Variants in VSTM2A observed in about 807,000 individuals in gnomAD.
VSTM2A encodes the protein V-set and transmembrane domain-containing protein 2A.
VSTM2A carries 13 observed loss-of-function variants against 27.3 expected under a neutral mutation model. That is an observed-to-expected ratio of 0.48 (90% CI 0.31 to 0.76). The LOEUF (loss-of-function observed/expected upper bound fraction) is 0.76. Among genes scored for constraint, VSTM2A ranks in the 30% least tolerant of loss-of-function variants. The probability of loss-of-function intolerance (pLI) is 0.05; values close to 1 mark genes in which losing one functional copy is unlikely to be tolerated. For missense variants in VSTM2A, 280 were observed against 310.0 expected (o/e 0.90, Z 0.73); for synonymous variants, 142 against 125.7 (o/e 1.13, Z -0.87).
Position 54,542,788 on chromosome 7 carries a change from C to T in VSTM2A, c.58C>T (p.Gln20Ter). Residue 20 changes from glutamine (Q) to a stop codon, truncating the protein, a stop_gained, in exon 1 of 5, where the codon CAA (glutamine) becomes TAA (stop). Transcript: ENST00000402613. LOFTEE classifies it high-confidence loss of function. ...TGTTTTCTTTTCCGTTTTATATGTA[C>T]AACAAGGGCTTTCTTCTCAAGGTAA... ...GFVFFSVLYV[Q>*]QGLSSQAKFT... 6.2e-7 allele frequency: 1 copy of T among 1,613,720 alleles called. No individual in the cohort carries two copies.
chr7:54,553,056 A>G (rs1327798151), intron 4 of VSTM2A, among the ~76,000 whole-genome samples: 2 of 152,252 alleles, frequency 1.3e-5, no homozygotes, highest in Non-Finnish European at 2.9e-5. Flanking sequence ...AATTAATTTA[A>G]CCAGTTTTTC....
intron 3 of VSTM2A, 40 bp downstream of exon 3, chr7:54,547,037 G>A (rs756231004): frequency 1.3e-6 from 2 of 1,553,652 alleles, no homozygotes; most frequent in Non-Finnish European, 8.7e-7. Context: ...GCCCAGGCTC[G>A]GGACGCACAG....
rs747541249 is a variant in VSTM2A, at chr7:54,549,939, G to C, written c.403G>C (p.Gly135Arg). 6.2e-7 allele frequency: 1 copy of C among 1,613,596 alleles called. No homozygotes were observed. Among genetic ancestry groups the C allele is most frequent in the African/African-American group, 1.3e-5 (1 of 74,896 alleles). ...YECRVTDANYGELQEHKAQAY... is the reference protein window; with the variant it reads ...YECRVTDANYRELQEHKAQAY... ...GTGCAGGGTGACTGATGCCAACTACGGGGAGCTTCAGGAACACAAGGCCCA... is the reference window on the plus strand; with the variant it reads ...GTGCAGGGTGACTGATGCCAACTACCGGGAGCTTCAGGAACACAAGGCCCA... Residue 135 changes from glycine (G) to arginine (R), a missense_variant, in exon 4 of 5, where the codon GGG becomes CGG. Physicochemically the swap from Gly to Arg is moderately radical, Grantham distance 125 (BLOSUM62 -2). Coordinates refer to ENST00000402613, the MANE Select transcript of VSTM2A (RefSeq NM_001301009.2).
intron 4 of VSTM2A, chr7:54,554,000 G>C: frequency 6.4e-7 from 1 of 1,553,176 alleles, no homozygotes. Context: ...CTGTGAAGCG[G>C]CTTCCTGCTC....
chr7:54,562,063 A>G (rs1788579938), intron 4 of VSTM2A, among the ~76,000 whole-genome samples: 1 of 152,176 alleles, frequency 6.6e-6, no homozygotes, highest in Admixed American at 6.5e-5. Context: ...AGCTGGGACT[A>G]CAGGCATGCA....
intron 3 of VSTM2A, among the ~76,000 whole-genome samples, chr7:54,548,020 AATT>A (rs1284765488): frequency 6.6e-6 from 1 of 152,190 alleles, no homozygotes; most frequent in Non-Finnish European, 1.5e-5. Context: ...AGAATACTTC[AATT>A]ATTCTTATAT....
chr7:54,567,300 A>G (rs1046750380), intron 4 of VSTM2A, among the ~76,000 whole-genome samples: 5 of 152,236 alleles, frequency 3.3e-5, no homozygotes, highest in African/African-American at 4.8e-5. Flanking sequence ...CTATGCTTCA[A>G]TAGTATATTA....
At chr7:54,562,750 A>G (rs981929009) in intron 4 of VSTM2A, among the ~76,000 whole-genome samples, 1 of 152,156 alleles carries the variant, frequency 6.6e-6, no homozygotes, top group African/African-American at 2.4e-5. Context: ...ACTTCAATAC[A>G]CTTTCTGAAA....
chr7:54,568,452 T>G (rs1258967148), intron 4 of VSTM2A, among the ~76,000 whole-genome samples: 2 of 152,276 alleles, frequency 1.3e-5, no homozygotes, highest in East Asian at 3.9e-4. Context: ...CACTACAATT[T>G]CTTCCCTGAG....
At chr7:54,567,236 A>G (rs7811276) in intron 4 of VSTM2A, among the ~76,000 whole-genome samples, 20,668 of 152,216 alleles carry the variant, frequency 0.14, 2,564 homozygotes, top group African/African-American at 0.32. Context: ...AAAATATGCT[A>G]GTAAATGCAT....
chr7:54,551,169 A>G (rs1010204506), intron 4 of VSTM2A: 1 of 152,032 alleles, frequency 6.6e-6, no homozygotes, highest in Non-Finnish European at 1.5e-5. Flanking sequence ...ACACGCACAC[A>G]CACACACATC....
At chr7:54,555,208 C>G (rs530202751) in intron 4 of VSTM2A, among the ~76,000 whole-genome samples, 1 of 152,334 alleles carries the variant, frequency 6.6e-6, no homozygotes, top group African/African-American at 2.4e-5. Flanking sequence ...TCAACACAGG[C>G]CCTCTTCACT....
At chr7:54,547,104 G>A (rs1033928244) in intron 3 of VSTM2A, 107 bp downstream of exon 3, 1 of 1,346,658 alleles carries the variant, frequency 7.4e-7, no homozygotes, top group Non-Finnish European at 9.9e-7. Flanking sequence ...CCGGACAGCC[G>A]GGTGCCCCTT....
intron 4 of VSTM2A, among the ~76,000 whole-genome samples, chr7:54,560,828 G>A (rs1562713351): frequency 1.3e-5 from 2 of 152,086 alleles, no homozygotes; most frequent in Non-Finnish European, 2.9e-5. Flanking sequence ...ACATTTTAAT[G>A]AAGTTAAATA....
intron 4 of VSTM2A, chr7:54,553,965 C>T: frequency 6.4e-7 from 1 of 1,552,570 alleles, no homozygotes; most frequent in Non-Finnish European, 8.7e-7. Context: ...TGACCCCCTT[C>T]CCACCTTCCC....
chr7:54,551,639 G>A (rs1788203236), intron 4 of VSTM2A: 1 of 152,166 alleles, frequency 6.6e-6, no homozygotes, highest in South Asian at 2.1e-4. Flanking sequence ...AATTGTAATG[G>A]TAACCAAATG....
intron 4 of VSTM2A, among the ~76,000 whole-genome samples, chr7:54,563,411 T>A (rs891997329): frequency 2.6e-5 from 4 of 152,136 alleles, no homozygotes; most frequent in African/African-American, 9.7e-5. Context: ...TGTTCAAAAT[T>A]ATTAGCAGCT....
chr7:54,568,669 A>G (rs947506002), intron 4 of VSTM2A, among the ~76,000 whole-genome samples: 5 of 152,066 alleles, frequency 3.3e-5, no homozygotes, highest in African/African-American at 1.2e-4. Context: ...AGGAAAAAAA[A>G]AAAGATGTGT....
At chr7:54,546,803 A>G in intron 2 of VSTM2A, 144 bp from the exon 3 acceptor site, 1 of 910,284 alleles carries the variant, frequency 1.1e-6, no homozygotes, top group Non-Finnish European at 1.6e-6. Context: ...CTGGGCCTGG[A>G]CAGGGGTGGC....
Sources: gnomAD v4.1 joint callset for allele counts (sites outside exome capture counted in the v4.1 genomes callset) on GRCh38, gnomAD v4.1.1 for gene constraint, MANE v1.5 for transcripts, NCBI Gene and HGNC (gene_info 2026-07-23, HGNC 2026-07-21) for gene names.